Variants in PTPRK observed in about 807,000 individuals in gnomAD.
PTPRK encodes the protein receptor-type tyrosine-protein phosphatase kappa.
PTPRK carries 75 observed loss-of-function variants against 178.0 expected under a neutral mutation model. The observed-to-expected ratio is 0.42, with a 90% CI of 0.35 to 0.51. PTPRK has a LOEUF of 0.51. PTPRK is among the 20% of genes least tolerant of loss of function. The probability of loss-of-function intolerance (pLI) is 0.02; values close to 1 mark genes in which losing one functional copy is unlikely to be tolerated. For synonymous variants in PTPRK, 637 were observed against 620.6 expected (o/e 1.03, Z -0.39); for missense variants, 1,441 against 1,797.8 (o/e 0.80, Z 3.59).
rs560888415 is a variant in PTPRK, at chr6:128,338,311, A to C, written c.224-16001T>G. ...AGCAGCCAATCAAGACCTATATAGG[A>C]GGTAAAAACAGCAAAATTGGTGATG... On this transcript the variant is annotated intron_variant, in intron 2 of 29. Coordinates refer to ENST00000368226, the MANE Select transcript of PTPRK (RefSeq NM_002844.4). 5.2e-4 allele frequency among the ~76,000 whole-genome samples: 79 copies of C among 152,272 alleles called. 1 individual carries two copies. The highest frequency in any genetic ancestry group is 1.8e-3 in the African/African-American group (73 of 41,552).
chr6:128,039,776 C>T (rs920720876), intron 13 of PTPRK, among the ~76,000 whole-genome samples: 34 of 152,158 alleles, frequency 2.2e-4, no homozygotes, highest in African/African-American at 7.5e-4. Context: ...ATAGTAACTG[C>T]ATACAGGTGT....
intron 1 of PTPRK, among the ~76,000 whole-genome samples, chr6:128,470,741 A>C (rs1158604785): frequency 7.0e-6 from 1 of 143,002 alleles, no homozygotes; most frequent in Non-Finnish European, 1.5e-5. Flanking sequence ...AAGAAACAAT[A>C]TCTCTCTCTT....
intron 7 of PTPRK, among the ~76,000 whole-genome samples, chr6:128,109,082 TA>T (rs929116205): frequency 1.2e-4 from 18 of 151,946 alleles, no homozygotes; most frequent in South Asian, 2.1e-4. Flanking sequence ...CAAGAACATT[TA>T]AAAAAAACTA....
chr6:128,368,635 T>G (rs1835849382), intron 2 of PTPRK, among the ~76,000 whole-genome samples: 1 of 152,154 alleles, frequency 6.6e-6, no homozygotes, highest in Admixed American at 6.6e-5. Flanking sequence ...TATTTTCCTT[T>G]AACTCTTTAG....
At chr6:128,189,557 A>T (rs1803398394) in intron 6 of PTPRK, among the ~76,000 whole-genome samples, 1 of 151,810 alleles carries the variant, frequency 6.6e-6, no homozygotes, top group Admixed American at 6.6e-5. Flanking sequence ...TCTTTTTACT[A>T]TTTTTTGTAA....
At chr6:128,044,920 T>G (rs1045244837) in intron 13 of PTPRK, among the ~76,000 whole-genome samples, 20 of 152,158 alleles carry the variant, frequency 1.3e-4, no homozygotes, top group East Asian at 3.9e-4. Flanking sequence ...GTTTACCATT[T>G]TAATGCTGTC....
rs114604019 is a variant in PTPRK, at chr6:127,988,456, T to C, written c.3096+2313A>G. Among the ~76,000 whole-genome samples the C allele has an allele frequency of 8.8e-3, 1,339 of 152,012 alleles. 23 individuals carry two copies. The highest frequency in any genetic ancestry group is 0.03 in the African/African-American group (1,263 of 41,498). On this transcript the variant is annotated intron_variant, in intron 21 of 29. Coordinates refer to ENST00000368226, the MANE Select transcript of PTPRK (RefSeq NM_002844.4). ...GTACATTATGCTAACTTTTAAAACA[T>C]AGATATTAGCTATTCCTTAAAGTAT...
At chr6:128,371,575 G>C (rs1030196812) in intron 2 of PTPRK, among the ~76,000 whole-genome samples, 1 of 152,112 alleles carries the variant, frequency 6.6e-6, no homozygotes, top group Admixed American at 6.6e-5. Context: ...TCATACTTTG[G>C]TTAAAGAGCC....
At chr6:128,139,178 C>T (rs575815004) in intron 7 of PTPRK, among the ~76,000 whole-genome samples, 1 of 152,108 alleles carries the variant, frequency 6.6e-6, no homozygotes. Context: ...AGAACAACAA[C>T]ATTATGGAGA....
At chr6:127,992,632 A>C in intron 19 of PTPRK, 41 bp downstream of exon 19, 1 of 1,530,560 alleles carries the variant, frequency 6.5e-7, no homozygotes, top group Non-Finnish European at 8.9e-7. Flanking sequence ...TGAATAAGCA[A>C]GTTTGTTTTT....
At chr6:128,146,136 G>A (rs750481458) in intron 7 of PTPRK, among the ~76,000 whole-genome samples, 1 of 152,170 alleles carries the variant, frequency 6.6e-6, no homozygotes, top group Non-Finnish European at 1.5e-5. Context: ...TCCAGGGTTA[G>A]TGGTTCAATC....
At chr6:128,112,550 T>C (rs536539719) in intron 7 of PTPRK, among the ~76,000 whole-genome samples, 5 of 152,222 alleles carry the variant, frequency 3.3e-5, no homozygotes, top group African/African-American at 1.2e-4. Flanking sequence ...AATAAAAGCA[T>C]GTGACAGAGG....
At chr6:128,363,937 A>G (rs866749458) in intron 2 of PTPRK, among the ~76,000 whole-genome samples, 1 of 152,240 alleles carries the variant, frequency 6.6e-6, no homozygotes, top group Non-Finnish European at 1.5e-5. Flanking sequence ...ATTCACAGTT[A>G]GTTAGTTACC....
intron 7 of PTPRK, among the ~76,000 whole-genome samples, chr6:128,130,254 T>C (rs923243635): frequency 6.6e-5 from 10 of 152,210 alleles, no homozygotes; most frequent in African/African-American, 1.9e-4. Context: ...ATCAAATCTA[T>C]TTCTGCAAAC....
chr6:128,410,738 A>G (rs1280041682), intron 1 of PTPRK, among the ~76,000 whole-genome samples: 2 of 152,198 alleles, frequency 1.3e-5, no homozygotes, highest in Admixed American at 6.5e-5. Flanking sequence ...TGAGTCAAAG[A>G]AAACTTTATA....
Position 128,302,295 on chromosome 6 carries a change from G to A in PTPRK, c.495+19744C>T, listed in dbSNP as rs112858504. On this transcript the variant is annotated intron_variant, in intron 3 of 29. Transcript: ENST00000368226. ...TAGTCCCAGCTACTAGGGAGGCTGC[G>A]GCATAAGAATGGTGTGAACCCAGGA... Among the ~76,000 whole-genome samples the A allele has an allele frequency of 6.6e-3, 987 of 149,498 alleles. 15 individuals carry two copies. The highest frequency in any genetic ancestry group is 0.023 in the African/African-American group (942 of 40,308).
At chr6:128,167,474 T>C (rs1284867702) in intron 7 of PTPRK, among the ~76,000 whole-genome samples, 1 of 151,980 alleles carries the variant, frequency 6.6e-6, no homozygotes, top group Non-Finnish European at 1.5e-5. Context: ...TGGGATCAAC[T>C]TTGTAAAATG....
At chr6:128,108,246 A>C (rs1790058763) in intron 7 of PTPRK, among the ~76,000 whole-genome samples, 1 of 152,158 alleles carries the variant, frequency 6.6e-6, no homozygotes. Flanking sequence ...TAAAATAACA[A>C]GCTAATACAG....
At chr6:128,286,879 C>T (rs988535339) in intron 3 of PTPRK, among the ~76,000 whole-genome samples, 1 of 152,116 alleles carries the variant, frequency 6.6e-6, no homozygotes, top group Non-Finnish European at 1.5e-5. Flanking sequence ...ACACTCTATC[C>T]AATACTTTGT....
Sources: allele counts gnomAD v4.1 joint callset (sites outside exome capture counted in the v4.1 genomes callset), GRCh38; gene constraint gnomAD v4.1.1; transcripts MANE v1.5; gene names NCBI Gene and HGNC (gene_info 2026-07-23, HGNC 2026-07-21).